The following ADAM12 variants were observed in gnomAD, a reference collection of about 807,000 sequenced individuals.
ADAM12 encodes the protein disintegrin and metalloproteinase domain-containing protein 12.
ADAM12 carries 70 observed loss-of-function variants against 106.4 expected under a neutral mutation model. The ratio of observed to expected loss-of-function variants is 0.66; its 90% CI spans 0.54 to 0.80. The LOEUF is 0.80. ADAM12 is among the 30% of genes least tolerant of loss of function. ADAM12 has a pLI of 0.00. For synonymous variants in ADAM12, 420 were observed against 433.5 expected (o/e 0.97, Z 0.39); for missense variants, 1,010 against 1,171.9 (o/e 0.86, Z 2.02).
At chr10:126,379,845 T>C (rs1377000719) in intron 1 of ADAM12, among the ~76,000 whole-genome samples, 1 of 152,188 alleles carries the variant, frequency 6.6e-6, no homozygotes, top group African/African-American at 2.4e-5. Flanking sequence ...TGGCTTTAAT[T>C]ACAAACATAG....
chr10:126,311,740 G>A (rs1485046406), intron 2 of ADAM12, among the ~76,000 whole-genome samples: 1 of 152,156 alleles, frequency 6.6e-6, no homozygotes, highest in Admixed American at 6.5e-5. Flanking sequence ...GGAGGGTGGT[G>A]CACTGCAACT....
Position 126,295,764 on chromosome 10 carries a change from G to T in ADAM12, c.187-16776C>A, listed in dbSNP as rs137902050. Among the ~76,000 whole-genome samples the T allele has an allele frequency of 1.6e-3, 250 of 152,196 alleles. 2 individuals are homozygous for T. The highest frequency in any genetic ancestry group is 5.6e-3 in the African/African-American group (233 of 41,522). On this transcript the variant is annotated intron_variant, in intron 2 of 22. Transcript: ENST00000448723. Reference sequence around the variant, plus strand: ...TGCCTGGACTTTTTGGTGGCCTATTGCTTGCTGTTAATAAAGAAAAACAAA... The same window carrying T: ...TGCCTGGACTTTTTGGTGGCCTATTTCTTGCTGTTAATAAAGAAAAACAAA...
At chr10:126,052,161 C>G (rs1215390634) in intron 14 of ADAM12, among the ~76,000 whole-genome samples, 1 of 152,206 alleles carries the variant, frequency 6.6e-6, no homozygotes, top group Admixed American at 6.5e-5. Context: ...TGCACTGGGT[C>G]TCAGGTGTAG....
Position 126,305,116 on chromosome 10 carries a change from T to C in ADAM12, c.186+25296A>G, listed in dbSNP as rs143734620. ...GAAACAGGAATTCCATTCCTGGGTA[T>C]ATTCCCAAATGAAATAAAAATATAT... On this transcript the variant is annotated intron_variant, in intron 2 of 22. Transcript: ENST00000448723. 2.6e-5 allele frequency among the ~76,000 whole-genome samples: 4 copies of C among 152,192 alleles called. No individual in the cohort carries two copies. The East Asian group carries it at 7.7e-4, about 29-fold the overall frequency.
At chr10:126,344,232 C>G (rs1469582610) in intron 1 of ADAM12, among the ~76,000 whole-genome samples, 3 of 152,140 alleles carry the variant, frequency 2.0e-5, no homozygotes, top group Non-Finnish European at 2.9e-5. Flanking sequence ...TTTCAGCTTT[C>G]TACATATGGC....
chr10:126,096,872 G>T (rs1162019104), intron 10 of ADAM12, among the ~76,000 whole-genome samples: 4 of 152,064 alleles, frequency 2.6e-5, no homozygotes, highest in African/African-American at 7.2e-5. Context: ...GAATCTTATT[G>T]CATGACACAT....
At chr10:126,373,647 A>G (rs1278640207) in intron 1 of ADAM12, among the ~76,000 whole-genome samples, 1 of 152,258 alleles carries the variant, frequency 6.6e-6, no homozygotes, top group Non-Finnish European at 1.5e-5. Context: ...GTGTTGACTA[A>G]AAGACCCAAA....
intron 4 of ADAM12, among the ~76,000 whole-genome samples, chr10:126,148,020 C>G (rs1014974303): frequency 1.3e-5 from 2 of 152,170 alleles, no homozygotes; most frequent in Non-Finnish European, 2.9e-5. Flanking sequence ...AGAAATGTCA[C>G]ACGGATAGTC....
chr10:126,336,175 T>C (rs1854691973), intron 1 of ADAM12, among the ~76,000 whole-genome samples: 2 of 152,218 alleles, frequency 1.3e-5, no homozygotes, highest in South Asian at 2.1e-4. Context: ...TAAGGTAAGA[T>C]GTTAAGAATA....
intron 1 of ADAM12, among the ~76,000 whole-genome samples, chr10:126,332,448 G>A (rs1033511823): frequency 6.6e-6 from 1 of 152,206 alleles, no homozygotes; most frequent in African/African-American, 2.4e-5. Context: ...CAGAGAGCCA[G>A]AAGTGCTGTG....
chr10:126,101,217 T>G lies in ADAM12; in HGVS notation c.766A>C (p.Ile256Leu), dbSNP rs760859428. Residue 256 changes from isoleucine to leucine, a missense_variant, in exon 9 of 23, where the codon ATC becomes CTC. By Grantham distance (5) the Ile-to-Leu change is conservative (BLOSUM62 2). Transcript: ENST00000448723. The part of the protein sequence containing the change: ...DKFYRPLNIR[I>L]VLVGVEVWND... Reference sequence around the variant, plus strand: ...CACACTTCCACGCCTACCAACACGATCCGAATGTTCAGTGGTCTGTAAAAC... The same window carrying G: ...CACACTTCCACGCCTACCAACACGAGCCGAATGTTCAGTGGTCTGTAAAAC... 1 of 1,613,990 alleles carries G rather than the reference T, an allele frequency of 6.2e-7. No homozygotes were observed. Among genetic ancestry groups the G allele is most frequent in the South Asian group, 1.1e-5 (1 of 91,046 alleles).
At chr10:126,271,530 C>T (rs1470695760) in intron 3 of ADAM12, among the ~76,000 whole-genome samples, 3 of 152,136 alleles carry the variant, frequency 2.0e-5, no homozygotes, top group South Asian at 2.1e-4. Flanking sequence ...TTTGGGAGGC[C>T]GAGGTAGGCA....
At chr10:126,363,914 A>G (rs1325616856) in intron 1 of ADAM12, among the ~76,000 whole-genome samples, 2 of 152,216 alleles carry the variant, frequency 1.3e-5, no homozygotes, top group African/African-American at 4.8e-5. Context: ...TTAGAACACT[A>G]GGGAATTAAA....
chr10:126,328,458 C>T (rs992924120), intron 2 of ADAM12, among the ~76,000 whole-genome samples: 7 of 152,146 alleles, frequency 4.6e-5, no homozygotes, highest in African/African-American at 1.7e-4. Flanking sequence ...ACATACACAC[C>T]TTTGGCCAGA....
In ADAM12 at chr10:126,289,248, C is replaced by A. The variant is rs142022356; in HGVS notation, c.187-10260G>T. Among the ~76,000 whole-genome samples the A allele has an allele frequency of 3.1e-3, 475 of 152,336 alleles. 2 individuals are homozygous for A. The highest frequency in any genetic ancestry group is 0.011 in the African/African-American group (446 of 41,568). ...AGGCTGTGGGACCACCTCCTCAGAC[C>A]TCTGCTGCCCCGTGCCCTCTCCCAC... is the stretch of plus-strand genomic sequence containing the variant. On this transcript the variant is annotated intron_variant, in intron 2 of 22. Transcript: ENST00000448723.
At chr10:126,121,663 A>G (rs1189695866) in intron 5 of ADAM12, among the ~76,000 whole-genome samples, 1 of 151,438 alleles carries the variant, frequency 6.6e-6, no homozygotes, top group East Asian at 1.9e-4. Context: ...GTTTTCCTCA[A>G]TCTAAGCTTC....
At chr10:126,127,664 T>C (rs894563593) in intron 5 of ADAM12, among the ~76,000 whole-genome samples, 1 of 152,200 alleles carries the variant, frequency 6.6e-6, no homozygotes, top group African/African-American at 2.4e-5. Flanking sequence ...CAAGGAAGGA[T>C]AGGGGCCTTA....
chr10:126,226,180 A>G (rs60439543), intron 3 of ADAM12, among the ~76,000 whole-genome samples: 4,918 of 14,910 alleles, frequency 0.33, 301 homozygotes, highest in African/African-American at 0.49. Flanking sequence ...CCCTGGGGAA[A>G]GGTGGTGGTG....
intron 18 of ADAM12, 50 bp downstream of exon 18, chr10:126,042,990 G>A (rs772566352): frequency 1.8e-5 from 28 of 1,569,344 alleles, no homozygotes; most frequent in African/African-American, 2.7e-5. Flanking sequence ...GAGCCCACCC[G>A]CCCCCAGGTG....
Sources: gnomAD v4.1 joint callset for allele counts (sites outside exome capture counted in the v4.1 genomes callset) on GRCh38, gnomAD v4.1.1 for gene constraint, MANE v1.5 for transcripts, NCBI Gene and HGNC (gene_info 2026-07-23, HGNC 2026-07-21) for gene names.